ULK4: variants seen among roughly 807,000 people sequenced by gnomAD.
ULK4 encodes the protein inactive serine/threonine-protein kinase ULK4.
A neutral mutation model predicts 160.6 loss-of-function variants in ULK4; 133 were observed. That is an observed-to-expected ratio of 0.83 (90% CI 0.72 to 0.96). The LOEUF (loss-of-function observed/expected upper bound fraction) is 0.96. ULK4 is among the 40% of genes least tolerant of loss of function. ULK4 has a pLI of 0.00. For missense variants in ULK4, 1,580 were observed against 1,499.5 expected (o/e 1.05, Z -0.89); for synonymous variants, 534 against 539.8 (o/e 0.99, Z 0.15).
intron 32 of ULK4, among the ~76,000 whole-genome samples, chr3:41,564,103 T>G (rs1252048476): frequency 6.6e-6 from 1 of 152,216 alleles, no homozygotes; most frequent in Non-Finnish European, 1.5e-5. Flanking sequence ...TTAATTTTCC[T>G]TCTTACAGTC....
intron 31 of ULK4, among the ~76,000 whole-genome samples, chr3:41,600,797 C>A (rs1035352955): frequency 3.3e-5 from 5 of 152,234 alleles, no homozygotes; most frequent in Non-Finnish European, 7.3e-5. Flanking sequence ...AACCCCAGAA[C>A]TGGCAATGAA....
At chr3:41,831,882 T>A in intron 18 of ULK4, among the ~76,000 whole-genome samples, 1 of 152,180 alleles carries the variant, frequency 6.6e-6, no homozygotes, top group East Asian at 1.9e-4. Context: ...TATGATCTCA[T>A]TCTTTTTTAT....
At chr3:41,887,341 AT>A (rs1157020727) in intron 16 of ULK4, among the ~76,000 whole-genome samples, 2 of 152,246 alleles carry the variant, frequency 1.3e-5, no homozygotes, top group African/African-American at 4.8e-5. Context: ...GCAAGCCACT[AT>A]TACTATATTA....
chr3:41,552,828 GCAT>G (rs1363276386), intron 32 of ULK4, among the ~76,000 whole-genome samples: 2 of 151,900 alleles, frequency 1.3e-5, no homozygotes, highest in African/African-American at 4.8e-5. Flanking sequence ...AAGGTTGGAG[GCAT>G]CATACTACCT....
rs1373436462 is a variant in ULK4 at position 41,305,858 on chromosome 3, G to A, written c.3679-56284C>T. ...GCCCATAGTCTGAGATGTGGGGAGC[G>A]CCTCTGCCCCCCCGCCCCGTCTGGG... On this transcript the variant is annotated intron_variant, in intron 35 of 36. Coordinates refer to ENST00000301831, the MANE Select transcript of ULK4 (RefSeq NM_017886.4). Among the ~76,000 whole-genome samples the A allele has an allele frequency of 8.3e-5, 12 of 144,310 alleles. 1 individual carries two copies. In the Middle Eastern group the frequency reaches 0.016, roughly 189 times the overall value. The allele number at this position is 144,310 out of a possible 152,430, so 94.7% of individuals were successfully genotyped here. A position where few individuals can be genotyped will look rare whatever the true frequency, so the allele number is the denominator to read the frequency against.
intron 30 of ULK4, among the ~76,000 whole-genome samples, chr3:41,648,451 G>A (rs1394208966): frequency 6.6e-6 from 1 of 152,152 alleles, no homozygotes; most frequent in Non-Finnish European, 1.5e-5. Context: ...TTAGGACAAT[G>A]TTAGTCATTG....
intron 31 of ULK4, among the ~76,000 whole-genome samples, chr3:41,590,081 T>C (rs976966535): frequency 2.6e-5 from 4 of 151,744 alleles, no homozygotes; most frequent in African/African-American, 9.7e-5. Context: ...CGGCTCACTG[T>C]AACCTCCGCC....
intron 32 of ULK4, among the ~76,000 whole-genome samples, chr3:41,468,630 T>G (rs1256989300): frequency 6.6e-6 from 1 of 152,160 alleles, no homozygotes; most frequent in East Asian, 1.9e-4. Flanking sequence ...CTGTGTGGTT[T>G]ATGGAACTTT....
chr3:41,490,556 T>G (rs575507788), intron 32 of ULK4, among the ~76,000 whole-genome samples: 2 of 152,336 alleles, frequency 1.3e-5, no homozygotes, highest in South Asian at 4.1e-4. Context: ...CCATTCAATT[T>G]TGCAATATCA....
chr3:41,392,400 T>C (rs572382662), intron 35 of ULK4, among the ~76,000 whole-genome samples: 1 of 152,254 alleles, frequency 6.6e-6, no homozygotes, highest in Admixed American at 6.5e-5. Flanking sequence ...ACTGTAGTTT[T>C]AGAAAGTAAT....
intron 35 of ULK4, among the ~76,000 whole-genome samples, chr3:41,354,086 G>A (rs1161904360): frequency 6.6e-6 from 1 of 152,154 alleles, no homozygotes; most frequent in Non-Finnish European, 1.5e-5. Flanking sequence ...ACCACTGCCT[G>A]CCAAGGAAAC....
At chr3:41,902,674 T>C (rs1415360613) in intron 12 of ULK4, among the ~76,000 whole-genome samples, 1 of 144,292 alleles carries the variant, frequency 6.9e-6, no homozygotes, top group East Asian at 2.0e-4. Flanking sequence ...GACTTTCAAT[T>C]AAAGAAAAAA....
chr3:41,476,759 A>T (rs924131458), intron 32 of ULK4, among the ~76,000 whole-genome samples: 29 of 151,572 alleles, frequency 1.9e-4, no homozygotes, highest in African/African-American at 6.8e-4. Flanking sequence ...TATTTTTATG[A>T]CTCTTGCCTC....
chr3:41,814,240 C>T (rs1287205127), intron 19 of ULK4, among the ~76,000 whole-genome samples: 2 of 152,188 alleles, frequency 1.3e-5, no homozygotes. Context: ...TTTCATATCC[C>T]TTTGACTGCT....
At chr3:41,771,776 C>G (rs2039389103) in intron 21 of ULK4, among the ~76,000 whole-genome samples, 1 of 152,134 alleles carries the variant, frequency 6.6e-6, no homozygotes, top group Non-Finnish European at 1.5e-5. Context: ...AACATTATAG[C>G]AACTCAAGTA....
At chr3:41,398,357 C>T (rs1292512088) in intron 34 of ULK4, 93 bp from the exon 35 acceptor site, 2 of 1,242,218 alleles carry the variant, frequency 1.6e-6, no homozygotes, top group Non-Finnish European at 2.3e-6. Context: ...ATGGGGGTGT[C>T]AGCCTGAGTA....
In ULK4 at chr3:41,370,963, G is replaced by A. The variant is rs757295011; in HGVS notation, c.3678+27116C>T. On this transcript the variant is annotated intron_variant, in intron 35 of 36. Coordinates refer to ENST00000301831, the MANE Select transcript of ULK4 (RefSeq NM_017886.4). The stretch of plus-strand genomic sequence containing the variant: ...GGATGCTCGAGCTTGGTGGGGGGAG[G>A]GGCGTACACCATTACTGAGGCTTGA... 4.6e-5 allele frequency among the ~76,000 whole-genome samples: 7 copies of A among 152,244 alleles called. 1 individual carries two copies. The Middle Eastern group carries it at 0.014, about 296-fold the overall frequency.
intron 35 of ULK4, among the ~76,000 whole-genome samples, chr3:41,254,239 CTG>C (rs1471791335): frequency 2.6e-5 from 4 of 152,166 alleles, no homozygotes; most frequent in Non-Finnish European, 4.4e-5. Flanking sequence ...ATACAGTATT[CTG>C]TGTCATAAAA....
chr3:41,442,734 C>A (rs2125858181), intron 34 of ULK4, among the ~76,000 whole-genome samples: 1 of 152,116 alleles, frequency 6.6e-6, no homozygotes, highest in African/African-American at 2.4e-5. Context: ...ACTGGGACTA[C>A]AGACATGAGC....
Sources: gnomAD v4.1 joint callset for allele counts (sites outside exome capture counted in the v4.1 genomes callset) on GRCh38, gnomAD v4.1.1 for gene constraint, MANE v1.5 for transcripts, NCBI Gene and HGNC (gene_info 2026-07-23, HGNC 2026-07-21) for gene names.